FANCB: variants seen among roughly 807,000 people sequenced by gnomAD.
FANCB encodes Fanconi anemia group B protein.
FANCB carries 5 observed loss-of-function variants against 38.9 expected under a neutral mutation model. The observed-to-expected ratio is 0.13, with a 90% CI of 0.07 to 0.27. The LOEUF (loss-of-function observed/expected upper bound fraction) is 0.27. Ranked by LOEUF, FANCB falls within the 10% of genes least tolerant of loss-of-function variation. The pLI, the probability that FANCB is intolerant of heterozygous loss-of-function variation, is 1.00. For missense variants in FANCB, 573 were observed against 602.7 expected (o/e 0.95, Z 0.52); for synonymous variants, 236 against 215.4 (o/e 1.10, Z -0.84).
chrX:14,707,036 C>CA, the FANCB span, among the ~76,000 whole-genome samples: 27,779 of 110,497 alleles, frequency 0.25, 2,738 homozygotes, highest in Non-Finnish European at 0.3. Context: ...ATAAAACTTA[C>CA]AAAAATACCT....
chrX:14,845,424 T>C (rs991761479), intron 7 of FANCB, 138 bp from the exon 8 acceptor site: 7 of 528,437 alleles, frequency 1.3e-5, no homozygotes, highest in African/African-American at 4.7e-5. Flanking sequence ...ATGTAAAATA[T>C]ATCAAAAAGT....
the FANCB span, among the ~76,000 whole-genome samples, chrX:14,774,159 T>C: frequency 8.9e-6 from 1 of 112,033 alleles, no homozygotes; most frequent in Non-Finnish European, 1.9e-5. Context: ...TTTAATGAGA[T>C]CCCAATGAGT....
At chrX:14,722,455 AGTTACTTAGT>A in the FANCB span, among the ~76,000 whole-genome samples, 1 of 111,354 alleles carries the variant, frequency 9.0e-6, no homozygotes, top group Admixed American at 9.6e-5. Context: ...TAGACTTAGA[AGTTACTTAGT>A]GTCACTTCCA....
At chrX:14,750,584 G>A in the FANCB span, among the ~76,000 whole-genome samples, 7 of 110,981 alleles carry the variant, frequency 6.3e-5, no homozygotes, top group Admixed American at 2.9e-4. Context: ...GGTAGAAAAC[G>A]TTGTTCCTGG....
the FANCB span, among the ~76,000 whole-genome samples, chrX:14,811,354 T>G: frequency 3.6e-5 from 4 of 111,521 alleles, no homozygotes; most frequent in East Asian, 8.4e-4. Context: ...ATGCTCCAAT[T>G]AAAAGACACA....
the FANCB span, among the ~76,000 whole-genome samples, chrX:14,691,300 T>A: frequency 9.5e-6 from 1 of 104,727 alleles, no homozygotes; most frequent in Non-Finnish European, 1.9e-5. Flanking sequence ...TGTGTGTGTG[T>A]GTGTGTGTGT....
the FANCB span, chrX:14,690,614 C>A: frequency 1.7e-6 from 1 of 600,025 alleles, no homozygotes; most frequent in Non-Finnish European, 2.7e-6. Context: ...TTGCTGCTCA[C>A]ACCATTAAGA....
At chrX:14,725,317 G>A in the FANCB span, among the ~76,000 whole-genome samples, 1,110 of 111,920 alleles carry the variant, frequency 9.9e-3, 5 homozygotes, top group Non-Finnish European at 0.018. Flanking sequence ...ATCCAGGTCT[G>A]TGATTAAGCA....
At chrX:14,857,159 T>C (rs770057758) in intron 5 of FANCB, among the ~76,000 whole-genome samples, 5 of 112,217 alleles carry the variant, frequency 4.5e-5, no homozygotes, top group African/African-American at 9.7e-5. Flanking sequence ...ATTGAATGTA[T>C]TGGGGATACA....
the FANCB span, among the ~76,000 whole-genome samples, chrX:14,789,389 G>A: frequency 2.7e-5 from 3 of 111,636 alleles, no homozygotes; most frequent in East Asian, 2.8e-4. Flanking sequence ...GCCAAGGCAG[G>A]AGAACTGCTT....
At chrX:14,782,860 C>A in the FANCB span, among the ~76,000 whole-genome samples, 1 of 111,757 alleles carries the variant, frequency 8.9e-6, no homozygotes, top group African/African-American at 3.3e-5. Flanking sequence ...TCTAGCAGGT[C>A]TAGAATGGAG....
the FANCB span, among the ~76,000 whole-genome samples, chrX:14,735,973 C>T: frequency 0.036 from 4,053 of 111,724 alleles, 65 homozygotes; most frequent in Middle Eastern, 0.059. Flanking sequence ...GCTAGAGCAG[C>T]TTGGCTGAGG....
chrX:14,701,175 A>C, the FANCB span, among the ~76,000 whole-genome samples: 1 of 110,762 alleles, frequency 9.0e-6, no homozygotes, highest in Non-Finnish European at 1.9e-5. Flanking sequence ...AATGTTTGTG[A>C]ATTGCGAAAT....
downstream of FANCB, among the ~76,000 whole-genome samples, chrX:14,835,517 G>A (rs777832617): frequency 2.7e-5 from 3 of 112,101 alleles, no homozygotes; most frequent in South Asian, 1.1e-3. Context: ...GGCTTGTTAA[G>A]ATACAGATTA....
chrX:14,775,882 C>A, the FANCB span, among the ~76,000 whole-genome samples: 7 of 111,266 alleles, frequency 6.3e-5, no homozygotes, highest in Non-Finnish European at 1.3e-4. Flanking sequence ...CTCTGTAAGG[C>A]ACTGGGGCAT....
chrX:14,800,387 TACAAG>T, the FANCB span, among the ~76,000 whole-genome samples: 1 of 111,144 alleles, frequency 9.0e-6, no homozygotes, highest in East Asian at 2.8e-4. Context: ...ATGATGCATC[TACAAG>T]CTAAGGAAAG....
chrX:14,694,164 T>C, the FANCB span, among the ~76,000 whole-genome samples: 1 of 111,688 alleles, frequency 9.0e-6, no homozygotes, highest in Admixed American at 9.5e-5. Context: ...AAATCAGCAT[T>C]TGGGAAGAAC....
At chrX:14,834,463 C>G, downstream of FANCB, 1 of 481,438 alleles carries the variant, frequency 2.1e-6, no homozygotes, top group Non-Finnish European at 3.8e-6. Flanking sequence ...ATTGTTTAAA[C>G]TATTTTCTTA....
chrX:14,800,545 C>G, the FANCB span, among the ~76,000 whole-genome samples: 3 of 111,601 alleles, frequency 2.7e-5, no homozygotes, highest in South Asian at 1.1e-3. Context: ...GACTAAATTT[C>G]TATTGTTTTA....
Sources: gnomAD v4.1 joint callset for allele counts (sites outside exome capture counted in the v4.1 genomes callset) on GRCh38, gnomAD v4.1.1 for gene constraint, MANE v1.5 for transcripts, NCBI Gene and HGNC (gene_info 2026-07-23, HGNC 2026-07-21) for gene names.